The following NBAS variants were observed in gnomAD, a reference collection of about 807,000 sequenced individuals.
The protein encoded by NBAS is NAG/BC035112 fusion.
NBAS carries 219 observed loss-of-function variants against 302.5 expected under a neutral mutation model. That is an observed-to-expected ratio of 0.72 (90% CI 0.65 to 0.81). The LOEUF (loss-of-function observed/expected upper bound fraction) is 0.81, where lower values mean the gene tolerates loss of function less well. Among genes scored for constraint, NBAS ranks in the 30% least tolerant of loss-of-function variants. The pLI is 0.00. For synonymous variants in NBAS, 1,118 were observed against 1,021.6 expected (o/e 1.09, Z -1.80); for missense variants, 2,932 against 2,841.6 (o/e 1.03, Z -0.72).
chr2:15,373,257 C>G (rs1420880164), intron 31 of NBAS, among the ~76,000 whole-genome samples: 1 of 152,124 alleles, frequency 6.6e-6, no homozygotes, highest in East Asian at 1.9e-4. Flanking sequence ...TAAGATACCA[C>G]AAGATAGTTA....
At chr2:15,251,507 TAAGA>T (rs576778927) in intron 44 of NBAS, among the ~76,000 whole-genome samples, 37 of 152,302 alleles carry the variant, frequency 2.4e-4, no homozygotes, top group Middle Eastern at 3.4e-3. Flanking sequence ...GCAAATTTAT[TAAGA>T]AAGTAAAAGA....
chr2:14,911,587 C>T, the NBAS span, among the ~76,000 whole-genome samples: 1 of 152,182 alleles, frequency 6.6e-6, no homozygotes, highest in Non-Finnish European at 1.5e-5. Context: ...CCTACAATCT[C>T]CGAGACATGG....
At chr2:15,399,345 T>A (rs1457905409) in intron 26 of NBAS, among the ~76,000 whole-genome samples, 1 of 152,116 alleles carries the variant, frequency 6.6e-6, no homozygotes, top group Non-Finnish European at 1.5e-5. Flanking sequence ...GGCTTCTGCA[T>A]CTCTTGTCAC....
chr2:14,994,503 G>T, the NBAS span, among the ~76,000 whole-genome samples: 1 of 152,106 alleles, frequency 6.6e-6, no homozygotes, highest in Non-Finnish European at 1.5e-5. Context: ...ACGGACCCTA[G>T]GATATATGGG....
chr2:15,068,603 C>A, the NBAS span, among the ~76,000 whole-genome samples: 1 of 152,042 alleles, frequency 6.6e-6, no homozygotes, highest in Non-Finnish European at 1.5e-5. Context: ...TATTAATTGG[C>A]AGTTTTAATA....
the NBAS span, among the ~76,000 whole-genome samples, chr2:14,944,212 A>G: frequency 6.6e-6 from 1 of 152,210 alleles, no homozygotes; most frequent in Non-Finnish European, 1.5e-5. Flanking sequence ...AGGCAGGAGA[A>G]TGGCGTGAAC....
chr2:15,168,087 A>AT (rs1199607286), intron 51 of NBAS, among the ~76,000 whole-genome samples: 2 of 152,108 alleles, frequency 1.3e-5, no homozygotes, highest in African/African-American at 4.8e-5. Context: ...TATTTTCAAT[A>AT]TTTTTTTAAA....
At chr2:15,260,440 T>TCA (rs1668796579) in intron 44 of NBAS, among the ~76,000 whole-genome samples, 1 of 152,076 alleles carries the variant, frequency 6.6e-6, no homozygotes, top group African/African-American at 2.4e-5. Context: ...ATTTCCTGGT[T>TCA]AATTCTAATA....
At chr2:14,814,780 AG>A in the NBAS span, among the ~76,000 whole-genome samples, 1 of 152,154 alleles carries the variant, frequency 6.6e-6, no homozygotes, top group Non-Finnish European at 1.5e-5. Flanking sequence ...ATGAAATTTC[AG>A]AGGAGCCAGG....
At chr2:15,151,908 C>T in the NBAS span, among the ~76,000 whole-genome samples, 10 of 152,044 alleles carry the variant, frequency 6.6e-5, no homozygotes, top group South Asian at 2.1e-4. Flanking sequence ...AGTGCAGTGG[C>T]GCAATCTCGG....
intron 37 of NBAS, 45 bp downstream of exon 37, chr2:15,328,154 A>G: frequency 6.4e-7 from 1 of 1,552,108 alleles, no homozygotes; most frequent in Non-Finnish European, 8.9e-7. Flanking sequence ...ACTGTCTACA[A>G]CAGCATGACA....
the NBAS span, among the ~76,000 whole-genome samples, chr2:14,916,471 T>C: frequency 6.6e-6 from 1 of 152,212 alleles, no homozygotes; most frequent in East Asian, 1.9e-4. Flanking sequence ...CTTAAAAAAA[T>C]CAGAGAGCTA....
intron 21 of NBAS, among the ~76,000 whole-genome samples, chr2:15,436,793 T>C (rs1678038418): frequency 6.6e-6 from 1 of 152,216 alleles, no homozygotes; most frequent in African/African-American, 2.4e-5. Context: ...TATTTATTTA[T>C]GTGTCTTGCT....
the NBAS span, among the ~76,000 whole-genome samples, chr2:15,112,890 T>C: frequency 7.2e-5 from 11 of 152,148 alleles, no homozygotes; most frequent in Admixed American, 7.2e-4. Flanking sequence ...CTAAAATGGC[T>C]GGCTAGATAC....
the NBAS span, among the ~76,000 whole-genome samples, chr2:14,784,927 G>A: frequency 6.6e-5 from 10 of 152,156 alleles, no homozygotes; most frequent in Non-Finnish European, 1.3e-4. Context: ...CAATTTTCAC[G>A]ATACTGATTC....
chr2:15,419,467 G>C (rs113694847), intron 23 of NBAS, among the ~76,000 whole-genome samples: 1 of 152,220 alleles, frequency 6.6e-6, no homozygotes, highest in East Asian at 1.9e-4. Context: ...TTGGAGTGGA[G>C]TGGGTTATTC....
In NBAS at chr2:15,343,803, C is replaced by G. The variant is rs75183085; in HGVS notation, c.4179+8189G>C. ...AATTTTTGCAATCTTGGGTTAGGCA[C>G]AGATTTCTTAGATATAACAACAAAA... On this transcript the variant is annotated intron_variant, in intron 35 of 51. Coordinates refer to ENST00000281513, the MANE Select transcript of NBAS (RefSeq NM_015909.4). 9.6e-3 allele frequency among the ~76,000 whole-genome samples: 1,452 copies of G among 151,738 alleles called. 30 individuals are homozygous for G. Among genetic ancestry groups the G allele is most frequent in the African/African-American group, 0.033 (1,380 of 41,464 alleles).
intron 44 of NBAS, among the ~76,000 whole-genome samples, chr2:15,250,576 C>A (rs1668317426): frequency 6.6e-6 from 1 of 152,146 alleles, no homozygotes; most frequent in South Asian, 2.1e-4. Context: ...TGACACAGGG[C>A]TAATATCCAG....
Position 15,167,310 on chromosome 2 carries a change from T to G in NBAS, c.6854A>C (p.Asn2285Thr), listed in dbSNP as rs368395181. The stretch of plus-strand genomic sequence containing the variant: ...CAGGGAAAGAAGTTCTTGGTCACAA[T>G]TGGAATCATTCACCTTCAAGAAATA... ...ITAVTTVNDS[N>T]CDQELLSLLL... The change falls in exon 52 of 52, where the codon AAT becomes ACT. Residue 2285 changes from asparagine (N) to threonine (T), a missense_variant. Coordinates refer to ENST00000281513, the MANE Select transcript of NBAS (RefSeq NM_015909.4). 1.1e-5 allele frequency: 18 copies of G among 1,614,190 alleles called. No homozygotes were observed. The highest frequency in any genetic ancestry group is 1.7e-5 in the Admixed American group (1 of 60,026).
Sources: gnomAD v4.1 joint callset for allele counts (sites outside exome capture counted in the v4.1 genomes callset) on GRCh38, gnomAD v4.1.1 for gene constraint, MANE v1.5 for transcripts, NCBI Gene and HGNC (gene_info 2026-07-23, HGNC 2026-07-21) for gene names.